The following CFAP96 variants were observed in gnomAD, a reference collection of about 807,000 sequenced individuals.
The protein encoded by CFAP96 is cilia and flagella associated protein 96, also known as cilia-and flagella-associated protein 96.
the CFAP96 span, chr4:185,431,894 A>G: frequency 8.9e-7 from 1 of 1,121,298 alleles, no homozygotes; most frequent in South Asian, 1.6e-5. Flanking sequence ...ATTGGCCCAA[A>G]TCATATTTGG....
chr4:185,436,579 G>A, the CFAP96 span, among the ~76,000 whole-genome samples: 128,504 of 151,740 alleles, frequency 0.85, 55,399 homozygotes, highest in East Asian at 0.99. Context: ...GTGTGGTGGC[G>A]GGCACCTGTA....
chr4:185,428,583 C>A, the CFAP96 span, among the ~76,000 whole-genome samples: 112 of 148,652 alleles, frequency 7.5e-4, no homozygotes, highest in East Asian at 4.1e-3. Flanking sequence ...ACAACAACAA[C>A]AAAAAAAAAA....
chr4:185,436,262 ATTAC>A, the CFAP96 span: 26 of 1,548,350 alleles, frequency 1.7e-5, no homozygotes, highest in South Asian at 2.4e-5. Flanking sequence ...TGAAGTCACC[ATTAC>A]TTACTTTGCT....
the CFAP96 span, among the ~76,000 whole-genome samples, chr4:185,423,332 C>A: frequency 6.6e-6 from 1 of 152,140 alleles, no homozygotes; most frequent in East Asian, 1.9e-4. Flanking sequence ...AGGCACTGAA[C>A]CTAATATAAT....
chr4:185,448,675 C>T, the CFAP96 span, among the ~76,000 whole-genome samples: 1 of 152,168 alleles, frequency 6.6e-6, no homozygotes, highest in Admixed American at 6.5e-5. Flanking sequence ...CCTTTAACCT[C>T]TGGCAAGCCA....
the CFAP96 span, among the ~76,000 whole-genome samples, chr4:185,419,181 G>C: frequency 6.6e-6 from 1 of 151,870 alleles, no homozygotes; most frequent in African/African-American, 2.4e-5. Context: ...GCCCAGGCTG[G>C]AGTGCAGTGG....
At chr4:185,435,959 C>T in the CFAP96 span, 1 of 1,046,024 alleles carries the variant, frequency 9.6e-7, no homozygotes, top group Non-Finnish European at 1.3e-6. Context: ...CTCTTTTTTT[C>T]AATCTGTTTA....
At chr4:185,429,445 A>G in the CFAP96 span, 1 of 1,537,652 alleles carries the variant, frequency 6.5e-7, no homozygotes, top group Non-Finnish European at 8.8e-7. Context: ...GGACATGGAA[A>G]GGATTGGCCT....
At chr4:185,409,307 A>T in the CFAP96 span, among the ~76,000 whole-genome samples, 1 of 152,206 alleles carries the variant, frequency 6.6e-6, no homozygotes. Context: ...ATAAATTCTT[A>T]CTTATAGTGC....
chr4:185,436,712 A>AAAAAATAATAAT, the CFAP96 span, among the ~76,000 whole-genome samples: 2 of 144,122 alleles, frequency 1.4e-5, no homozygotes, highest in South Asian at 2.2e-4. Flanking sequence ...TCCGTCTCAA[A>AAAAAATAATAAT]AATAATAATA....
At chr4:185,441,708 T>C in the CFAP96 span, among the ~76,000 whole-genome samples, 80 of 151,936 alleles carry the variant, frequency 5.3e-4, no homozygotes, top group Non-Finnish European at 9.3e-4. Context: ...TATTAAAATA[T>C]CCTTTTGCAT....
the CFAP96 span, among the ~76,000 whole-genome samples, chr4:185,442,351 A>G: frequency 6.6e-6 from 1 of 152,034 alleles, no homozygotes; most frequent in Non-Finnish European, 1.5e-5. Context: ...TCTCCCTTGT[A>G]GAGTTTTGTA....
At chr4:185,424,534 C>A in the CFAP96 span, among the ~76,000 whole-genome samples, 1 of 152,148 alleles carries the variant, frequency 6.6e-6, no homozygotes, top group Admixed American at 6.6e-5. Flanking sequence ...AGAATTTATT[C>A]TAAGGAAACA....
chr4:185,443,924 T>TC, the CFAP96 span, among the ~76,000 whole-genome samples: 8 of 1,278 alleles, frequency 6.3e-3, no homozygotes, highest in African/African-American at 9.9e-3. Context: ...TATCTTTCTT[T>TC]TTTTTTTTTT....
chr4:185,441,262 A>G, the CFAP96 span, among the ~76,000 whole-genome samples: 1 of 152,216 alleles, frequency 6.6e-6, no homozygotes, highest in Non-Finnish European at 1.5e-5. Flanking sequence ...GTGAGAATAA[A>G]AATTAAAATG....
the CFAP96 span, among the ~76,000 whole-genome samples, chr4:185,434,508 T>G: frequency 1.3e-5 from 2 of 152,182 alleles, no homozygotes; most frequent in Non-Finnish European, 2.9e-5. Flanking sequence ...AATTGCTACC[T>G]TGATACATTA....
At chr4:185,413,928 A>G in the CFAP96 span, 1 of 1,459,566 alleles carries the variant, frequency 6.9e-7, no homozygotes, top group Non-Finnish European at 9.2e-7. Flanking sequence ...TTAGATTCCT[A>G]GTCAATAAAT....
At chr4:185,444,882 A>C in the CFAP96 span, 1 of 1,330,956 alleles carries the variant, frequency 7.5e-7, no homozygotes, top group African/African-American at 1.5e-5. Flanking sequence ...AGACTACAAA[A>C]ATATGTATGA....
chr4:185,444,374 A>G, the CFAP96 span, among the ~76,000 whole-genome samples: 1 of 152,250 alleles, frequency 6.6e-6, no homozygotes, highest in Non-Finnish European at 1.5e-5. Context: ...TAGAATATAA[A>G]GCTTAAAATT....
Sources: allele counts gnomAD v4.1 joint callset (sites outside exome capture counted in the v4.1 genomes callset), GRCh38; gene constraint gnomAD v4.1.1; transcripts MANE v1.5; gene names NCBI Gene and HGNC (gene_info 2026-07-23, HGNC 2026-07-21).